The following RASAL2 variants were observed in gnomAD, a reference collection of about 807,000 sequenced individuals.
RASAL2 encodes the protein ras GTPase-activating protein nGAP.
Under a neutral mutation model 128.9 loss-of-function variants are expected in RASAL2, and 58 were observed. The ratio of observed to expected loss-of-function variants is 0.45; its 90% CI spans 0.36 to 0.56. The LOEUF is 0.56. Among genes scored for constraint, RASAL2 ranks in the 20% least tolerant of loss-of-function variants. The pLI, the probability that RASAL2 is intolerant of heterozygous loss-of-function variation, is 0.00. For missense variants in RASAL2, 1,360 were observed against 1,601.6 expected, an observed-to-expected ratio of 0.85 and a Z score of 2.57; for synonymous variants, 561 against 580.8, an observed-to-expected ratio of 0.97 and a Z score of 0.49.
At chr1:178,379,232 G>A (rs1287888057) in intron 3 of RASAL2, among the ~76,000 whole-genome samples, 1 of 152,064 alleles carries the variant, frequency 6.6e-6, no homozygotes, top group Non-Finnish European at 1.5e-5. Context: ...TAAAGAAACA[G>A]AGGCTAGACA....
Position 178,222,599 on chromosome 1 carries a change from T to G in RASAL2, c.203-60965T>G, listed in dbSNP as rs559946402. 1.1e-4 allele frequency among the ~76,000 whole-genome samples: 16 copies of G among 152,230 alleles called. No homozygotes were observed. In the East Asian group the frequency reaches 3.1e-3, roughly 29 times the overall value. ...AAGTTCTATCTTAGAACCGATTGCC[T>G]GATTATTTATCAGATGTCCAATGTT... On this transcript the variant is annotated intron_variant, in intron 1 of 17. Coordinates refer to ENST00000367649, the MANE Select transcript of RASAL2 (RefSeq NM_170692.4).
chr1:178,454,728 C>G, intron 12 of RASAL2, 80 bp downstream of exon 12: 1 of 1,246,332 alleles, frequency 8.0e-7, no homozygotes, highest in Non-Finnish European at 1.1e-6. Context: ...AGCACTCACT[C>G]TTTCTGCTAA....
rs1271069161 is a variant in RASAL2 at position 178,276,730 on chromosome 1, T to A, written c.203-6834T>A. ...CATCTCCACGTAACAACTCTAACATTATTTCTTCTATTATATCAGAAATTG... is the reference window on the plus strand; with the variant it reads ...CATCTCCACGTAACAACTCTAACATAATTTCTTCTATTATATCAGAAATTG... On this transcript the variant is annotated intron_variant, in intron 1 of 17. Transcript: ENST00000367649. 2.0e-5 allele frequency among the ~76,000 whole-genome samples: 3 copies of A among 152,072 alleles called. No individual in the cohort carries two copies. The South Asian group carries it at 6.2e-4, about 32-fold the overall frequency.
At chr1:178,227,122 C>T (rs1264687519) in intron 1 of RASAL2, among the ~76,000 whole-genome samples, 3 of 152,134 alleles carry the variant, frequency 2.0e-5, no homozygotes, top group African/African-American at 7.2e-5. Flanking sequence ...AGGTAACCCT[C>T]CTTCTACCAC....
intron 8 of RASAL2, 111 bp downstream of exon 8, chr1:178,443,340 C>T (rs1190338072): frequency 2.4e-5 from 24 of 993,284 alleles, no homozygotes; most frequent in Non-Finnish European, 3.3e-5. Context: ...TACTATTGGT[C>T]AAAACAAGAA....
At chr1:178,249,327 G>A (rs990627499) in intron 1 of RASAL2, among the ~76,000 whole-genome samples, 3 of 151,422 alleles carry the variant, frequency 2.0e-5, no homozygotes, top group Non-Finnish European at 4.4e-5. Context: ...CTGCTTGATC[G>A]ATTCAGCTAT....
In RASAL2 at chr1:178,443,024, A is replaced by G; in HGVS notation, c.1277A>G (p.Lys426Arg). ...PVSTPTPNKG[K>R]TGGPSIRIKS... is the part of the protein sequence containing the mutation. The stretch of plus-strand genomic sequence containing the variant: ...AGTACACCTACACCCAACAAAGGAA[A>G]GACAGGAGGACCTTCTATTCGGATT... Residue 426 changes from lysine (K) to arginine (R), a missense_variant, in exon 8 of 18, where the codon AAG becomes AGG. Transcript: ENST00000367649. 1.9e-6 allele frequency: 3 copies of G among 1,614,078 alleles called. No homozygotes were observed. The highest frequency in any genetic ancestry group is 2.5e-6 in the Non-Finnish European group (3 of 1,179,972).
intron 1 of RASAL2, among the ~76,000 whole-genome samples, chr1:178,113,859 A>G (rs1659432144): frequency 6.6e-6 from 1 of 152,188 alleles, no homozygotes; most frequent in Non-Finnish European, 1.5e-5. Context: ...ATTTTTTACT[A>G]CAAAGATTTC....
chr1:178,169,328 G>C (rs184841068), intron 1 of RASAL2, among the ~76,000 whole-genome samples: 1 of 151,970 alleles, frequency 6.6e-6, no homozygotes, highest in African/African-American at 2.4e-5. Flanking sequence ...GCGACACTTC[G>C]TATTAGAAGA....
At position 178,465,903 on chromosome 1, in the gene RASAL2, T is replaced by G. The variant is rs1647631333; in HGVS notation, c.3388-17T>G. The G allele has an allele frequency of 1.0e-5, 15 of 1,494,710 alleles. No homozygotes were observed. The East Asian group carries it at 3.8e-4, about 38-fold the overall frequency. 92.6% of individuals were successfully genotyped at this position (1,494,710 alleles called of 1,614,324 possible). ...AATGTGACTCTAGTTTTTGTCTCCT[T>G]GCCTCCTCTGCCCTAGTATGAACAA... On this transcript the variant is annotated splice_polypyrimidine_tract_variant and intron_variant, in intron 15 of 17. Coordinates refer to ENST00000367649, the MANE Select transcript of RASAL2 (RefSeq NM_170692.4).
intron 1 of RASAL2, among the ~76,000 whole-genome samples, chr1:178,162,702 C>T (rs528454959): frequency 3.6e-4 from 54 of 150,276 alleles, no homozygotes; most frequent in Non-Finnish European, 7.1e-4. Context: ...ATCCTCCTGC[C>T]TCAGCCTCTC....
At chr1:178,262,091 C>T (rs926567265) in intron 1 of RASAL2, among the ~76,000 whole-genome samples, 1 of 151,576 alleles carries the variant, frequency 6.6e-6, no homozygotes, top group Non-Finnish European at 1.5e-5. Flanking sequence ...AATATAAAGA[C>T]GAATAATTGA....
At chr1:178,453,623 A>G (rs1264895944) in intron 11 of RASAL2, among the ~76,000 whole-genome samples, 1 of 152,124 alleles carries the variant, frequency 6.6e-6, no homozygotes, top group African/African-American at 2.4e-5. Context: ...TGATACATCC[A>G]CACTTTTTTC....
chr1:178,243,831 G>T (rs1357161037), intron 1 of RASAL2, among the ~76,000 whole-genome samples: 1 of 151,954 alleles, frequency 6.6e-6, no homozygotes. Context: ...TCAAAATTTT[G>T]TCATATTTAG....
intron 1 of RASAL2, among the ~76,000 whole-genome samples, chr1:178,197,183 C>T (rs1447482487): frequency 6.6e-6 from 1 of 152,098 alleles, no homozygotes; most frequent in Non-Finnish European, 1.5e-5. Context: ...TGTGGCCGGG[C>T]GTGGTGGCTC....
intron 1 of RASAL2, among the ~76,000 whole-genome samples, chr1:178,250,608 C>T (rs1665003361): frequency 1.3e-5 from 2 of 152,160 alleles, no homozygotes; most frequent in East Asian, 3.9e-4. Context: ...GGGTTCCAGG[C>T]GCCACTCAGT....
intron 1 of RASAL2, among the ~76,000 whole-genome samples, chr1:178,215,964 A>G (rs1350018168): frequency 1.3e-5 from 2 of 152,220 alleles, no homozygotes; most frequent in Non-Finnish European, 2.9e-5. Context: ...AACTAAATCT[A>G]TTCAGTGGAA....
chr1:178,134,457 C>CA (rs59410623), intron 1 of RASAL2, among the ~76,000 whole-genome samples: 158 of 111,496 alleles, frequency 1.4e-3, no homozygotes, highest in Middle Eastern at 4.7e-3. Flanking sequence ...GACCCTATCT[C>CA]AAAAAAAAAA....
chr1:178,390,023 C>A lies in RASAL2; in HGVS notation c.458-77C>A, dbSNP rs1291036315. The A allele has an allele frequency of 8.0e-6, 7 of 870,042 alleles. 1 individual carries two copies. In the South Asian group the frequency reaches 1.0e-4, roughly 13 times the overall value. 53.9% of individuals were successfully genotyped at this position (870,042 alleles called of 1,614,324 possible). On this transcript the variant is annotated intron_variant, in intron 3 of 17. Coordinates refer to ENST00000367649, the MANE Select transcript of RASAL2 (RefSeq NM_170692.4). ...AGCATGCTGGTTTATTGTGAAAAAC[C>A]AGTAACTTTACAGTTCAGTGGAAGA...
Sources: gnomAD v4.1 joint callset for allele counts (sites outside exome capture counted in the v4.1 genomes callset) on GRCh38, gnomAD v4.1.1 for gene constraint, MANE v1.5 for transcripts, NCBI Gene and HGNC (gene_info 2026-07-23, HGNC 2026-07-21) for gene names.